The following RASGRF1 variants were observed in gnomAD, a reference collection of about 807,000 sequenced individuals.
RASGRF1 encodes the protein Ras protein specific guanine nucleotide releasing factor 1.
RASGRF1 carries 40 observed loss-of-function variants against 138.7 expected under a neutral mutation model. That is an observed-to-expected ratio of 0.29 (90% confidence interval 0.22 to 0.38). The LOEUF (loss-of-function observed/expected upper bound fraction) is 0.38, where lower values mean the gene tolerates loss of function less well. RASGRF1 is among the 10% of genes least tolerant of loss of function. RASGRF1 has a pLI of 1.00. For missense variants in RASGRF1, 1,108 were observed against 1,650.4 expected (o/e 0.67, Z 5.69); for synonymous variants, 614 against 663.2 (o/e 0.93, Z 1.14).
At chr15:78,972,014 C>A (rs1045258908) in intron 25 of RASGRF1, 80 bp from the exon 26 acceptor site, 23 of 1,224,420 alleles carry the variant, frequency 1.9e-5, no homozygotes, top group Non-Finnish European at 2.8e-5. Context: ...GAAGGGGCAT[C>A]AACAACTAAA....
chr15:79,059,357 TCCTTCCCTTCCCAATCCTTCCCTTC>T (rs2057561310), intron 2 of RASGRF1, among the ~76,000 whole-genome samples: 1 of 68,588 alleles, frequency 1.5e-5, no homozygotes, highest in African/African-American at 5.6e-5. Context: ...CCTTTCCCTA[TCCTTCCCTTCCCAATCCTTCCCTTC>T]CCTTCCCTTC....
intron 5 of RASGRF1, among the ~76,000 whole-genome samples, chr15:79,040,923 A>G (rs191790495): frequency 5.9e-5 from 9 of 152,348 alleles, no homozygotes; most frequent in Admixed American, 2.0e-4. Flanking sequence ...ACACATAGTG[A>G]TTGAGTACCT....
intron 5 of RASGRF1, among the ~76,000 whole-genome samples, chr15:79,038,192 A>C (rs2057248614): frequency 6.6e-6 from 1 of 152,198 alleles, no homozygotes; most frequent in Non-Finnish European, 1.5e-5. Context: ...ACATATGTCT[A>C]GATCCTTTTA....
intron 13 of RASGRF1, among the ~76,000 whole-genome samples, chr15:79,008,483 A>G (rs997228728): frequency 2.0e-4 from 30 of 152,376 alleles, no homozygotes; most frequent in Middle Eastern, 3.4e-3. Flanking sequence ...GGTTTCCACC[A>G]AGATTCAGGA....
intron 3 of RASGRF1, among the ~76,000 whole-genome samples, chr15:79,053,177 A>C (rs1015680178): frequency 6.6e-6 from 1 of 152,066 alleles, no homozygotes; most frequent in Non-Finnish European, 1.5e-5. Context: ...AGGCAGGAGA[A>C]TTGCTTGAAC....
At chr15:79,052,881 G>T (rs976420064) in intron 3 of RASGRF1, among the ~76,000 whole-genome samples, 3 of 152,158 alleles carry the variant, frequency 2.0e-5, no homozygotes, top group African/African-American at 7.2e-5. Context: ...GGGTGCTGGT[G>T]GGGAAGGACC....
Position 79,035,131 on chromosome 15 carries a change from C to T in RASGRF1, c.958G>A (p.Ala320Thr). The change falls in exon 6 of 27, where the codon GCT (alanine) becomes ACT (threonine). Residue 320 changes from alanine to threonine, a missense_variant and splice_region_variant. By Grantham distance (58) the Ala-to-Thr change is moderately conservative. Coordinates refer to ENST00000558480, the MANE Select transcript of RASGRF1 (RefSeq NM_001145648.3). ...GCCGCAGTGAGGGCTGACTACTCACCCAGGACCAGCGTGGGCCAGCTGGAG... is the reference window on the plus strand; with the variant it reads ...GCCGCAGTGAGGGCTGACTACTCACTCAGGACCAGCGTGGGCCAGCTGGAG... ...RISSWPTLVL[A>T]DLFDILLPML... is the part of the protein sequence containing the mutation. The T allele has an allele frequency of 1.9e-6, 3 of 1,611,916 alleles. No homozygotes were observed. The highest frequency in any genetic ancestry group is 2.5e-6 in the Non-Finnish European group (3 of 1,178,366).
At position 79,006,910 on chromosome 15, in the gene RASGRF1, G is replaced by A. The variant is rs2056687688; in HGVS notation, c.1827-476C>T. Among the ~76,000 whole-genome samples, 1 of 152,156 alleles carries A rather than the reference G, an allele frequency of 6.6e-6. No individual in the cohort carries two copies. The highest frequency in any genetic ancestry group is 1.5e-5 in the Non-Finnish European group (1 of 68,036). ...ACCTGTAATACCAGTTACTAGGGAG[G>A]CTGAGGCACAAGAATCGCTTGAACC... On this transcript the variant is annotated intron_variant, in intron 13 of 26. Coordinates refer to ENST00000558480, the MANE Select transcript of RASGRF1 (RefSeq NM_001145648.3). The surrounding 1 kb of genome is among the most constrained non-coding windows in gnomAD (Gnocchi z 4.0).
At chr15:79,042,359 C>T (rs901714594) in intron 5 of RASGRF1, among the ~76,000 whole-genome samples, 2 of 152,244 alleles carry the variant, frequency 1.3e-5, no homozygotes, top group African/African-American at 4.8e-5. Context: ...GAGCTAGCAG[C>T]TCCACCGTGG....
At chr15:79,009,732 T>C (rs1276267191) in intron 13 of RASGRF1, among the ~76,000 whole-genome samples, 2 of 152,028 alleles carry the variant, frequency 1.3e-5, no homozygotes, top group Non-Finnish European at 2.9e-5. Flanking sequence ...TTTTTTTTTT[T>C]CTTTTTAATT....
intron 22 of RASGRF1, 125 bp from the exon 23 acceptor site, chr15:78,985,329 A>C (rs2056129361): frequency 9.6e-7 from 1 of 1,045,398 alleles, no homozygotes. Context: ...AACTACGAGA[A>C]CAACTAACAG....
intron 5 of RASGRF1, among the ~76,000 whole-genome samples, chr15:79,043,104 C>T (rs2057316911): frequency 6.6e-6 from 1 of 152,134 alleles, no homozygotes; most frequent in Admixed American, 6.6e-5. Flanking sequence ...AGACTTGCAA[C>T]CATTGATATA....
chr15:79,053,677 G>A (rs1036891018), intron 3 of RASGRF1, among the ~76,000 whole-genome samples: 1 of 152,202 alleles, frequency 6.6e-6, no homozygotes, highest in Admixed American at 6.5e-5. Flanking sequence ...AAAGTTACAC[G>A]TGTGTCGGCA....
intron 26 of RASGRF1, among the ~76,000 whole-genome samples, chr15:78,970,674 G>A (rs978530540): frequency 2.0e-5 from 3 of 150,330 alleles, no homozygotes; most frequent in Non-Finnish European, 4.4e-5. Flanking sequence ...AAAAGTCATA[G>A]GATTGGGAGC....
Position 78,961,870 on chromosome 15 carries a change from C to T in RASGRF1, c.*274G>A, listed in dbSNP as rs893192230. The T allele has an allele frequency of 4.8e-5, 17 of 351,168 alleles. No homozygotes were observed. The highest frequency in any genetic ancestry group is 8.6e-5 in the Admixed American group (2 of 23,254). The allele number at this position is 351,168 out of a possible 1,614,324, so 21.8% of individuals were successfully genotyped here. On this transcript the variant is annotated 3_prime_UTR_variant, in exon 27 of 27. Transcript: ENST00000558480. ...TGTATGCAAGGGTGCTGTTTCCCCT[C>T]TGAGAAGAGTGAGGAGTCTAGGGAA...
At chr15:79,008,533 T>A (rs749744558) in intron 13 of RASGRF1, among the ~76,000 whole-genome samples, 3 of 152,008 alleles carry the variant, frequency 2.0e-5, no homozygotes, top group Non-Finnish European at 4.4e-5. Context: ...GAAGCAACCA[T>A]GAAGAGGGAG....
In RASGRF1 at chr15:79,006,131, T is replaced by C; in HGVS notation, c.2075+55A>G. ...CCCCGGCCCCGTGCAAGCTCAGTTT[T>C]CCTCCAAGGCTTGGAAGCTCTCCGG... On this transcript the variant is annotated intron_variant, in intron 14 of 26. Transcript: ENST00000558480. The surrounding 1 kb of genome is among the most constrained non-coding windows in gnomAD (Gnocchi z 4.0). The C allele has an allele frequency of 6.2e-7, 1 of 1,608,206 alleles. No individual in the cohort carries two copies.
rs149884865 is a variant in RASGRF1 at position 79,011,475 on chromosome 15, C to T, written c.1826+3852G>A. ...CTTAATATTCATGAGGCATATGGAA[C>T]ATTCAATATTTATTAGGTCTTAAGT... On this transcript the variant is annotated intron_variant, in intron 13 of 26. Coordinates refer to ENST00000558480, the MANE Select transcript of RASGRF1 (RefSeq NM_001145648.3). Among the ~76,000 whole-genome samples the T allele has an allele frequency of 2.4e-3, 373 of 152,284 alleles. 3 individuals are homozygous for T. Among genetic ancestry groups the T allele is most frequent in the African/African-American group, 8.4e-3 (350 of 41,568 alleles).
intron 16 of RASGRF1, among the ~76,000 whole-genome samples, chr15:79,001,170 G>C (rs2141697536): frequency 6.6e-6 from 1 of 152,290 alleles, no homozygotes; most frequent in South Asian, 2.1e-4. Context: ...GAAACACCTA[G>C]CCTTTTTGCA....
Sources: gnomAD v4.1 joint callset for allele counts (sites outside exome capture counted in the v4.1 genomes callset) on GRCh38, gnomAD v4.1.1 for gene constraint, Gnocchi (gnomAD v3.1) non-coding constraint, MANE v1.5 for transcripts, NCBI Gene and HGNC (gene_info 2026-07-23, HGNC 2026-07-21) for gene names.